Variants in WDR70 observed in about 807,000 individuals in gnomAD.
WDR70 encodes the protein WD repeat-containing protein 70.
In WDR70, 53 loss-of-function variants were observed where a neutral mutation model predicts 88.6. The ratio of observed to expected loss-of-function variants is 0.60; its 90% confidence interval spans 0.48 to 0.75. The LOEUF (loss-of-function observed/expected upper bound fraction) is 0.75, where lower values mean the gene tolerates loss of function less well. Ranked by LOEUF, WDR70 falls within the 30% of genes least tolerant of loss-of-function variation. The probability of loss-of-function intolerance (pLI) is 0.00; values close to 1 mark genes in which losing one functional copy is unlikely to be tolerated. For synonymous variants in WDR70, 280 were observed against 270.0 expected, an observed-to-expected ratio of 1.04 and a Z score of -0.36; for missense variants, 610 against 823.2, an observed-to-expected ratio of 0.74 and a Z score of 3.17.
intron 10 of WDR70, among the ~76,000 whole-genome samples, chr5:37,681,433 C>T (rs938865950): frequency 1.1e-4 from 16 of 152,100 alleles, no homozygotes; most frequent in Non-Finnish European, 1.9e-4. Context: ...TTTCTCTTGC[C>T]TGATTCCTCT....
At chr5:37,395,496 C>T (rs1286622898) in intron 4 of WDR70, among the ~76,000 whole-genome samples, 1 of 152,152 alleles carries the variant, frequency 6.6e-6, no homozygotes, top group Non-Finnish European at 1.5e-5. Flanking sequence ...CCCTTGGACA[C>T]CCCTGGTTAG....
At chr5:37,534,499 C>CTTTTTTTT (rs369030841) in intron 9 of WDR70, among the ~76,000 whole-genome samples, 3 of 133,192 alleles carry the variant, frequency 2.3e-5, no homozygotes, top group Non-Finnish European at 3.1e-5. Context: ...ACAAATCAGG[C>CTTTTTTTT]TTTTTTTTTT....
intron 9 of WDR70, among the ~76,000 whole-genome samples, chr5:37,548,945 T>C (rs565357640): frequency 6.6e-6 from 1 of 152,338 alleles, no homozygotes; most frequent in South Asian, 2.1e-4. Flanking sequence ...AAAAATTAGT[T>C]CACTACAGGT....
intron 15 of WDR70, chr5:37,724,185 A>G (rs1179881863): frequency 6.6e-6 from 1 of 152,140 alleles, no homozygotes; most frequent in Non-Finnish European, 1.5e-5. Flanking sequence ...ACTTCCCCTA[A>G]TAACTCTTTC....
intron 17 of WDR70, among the ~76,000 whole-genome samples, chr5:37,743,332 G>T (rs1037206135): frequency 2.0e-5 from 3 of 152,226 alleles, no homozygotes; most frequent in African/African-American, 4.8e-5. Context: ...GGCCAGTGGG[G>T]CCTAGCATCC....
At chr5:37,722,674 TC>T in intron 14 of WDR70, 180 bp from the exon 15 acceptor site, 1 of 595,922 alleles carries the variant, frequency 1.7e-6, no homozygotes. Context: ...GACTTGCTTT[TC>T]CATAAGTTTA....
intron 9 of WDR70, among the ~76,000 whole-genome samples, chr5:37,542,280 CTTT>C (rs765831095): frequency 7.6e-5 from 11 of 144,326 alleles, no homozygotes; most frequent in South Asian, 4.4e-4. Context: ...TCTTCTTCTT[CTTT>C]TTTTTTTTTT....
chr5:37,664,544 C>A (rs962844427), intron 10 of WDR70, among the ~76,000 whole-genome samples: 1 of 152,248 alleles, frequency 6.6e-6, no homozygotes, highest in African/African-American at 2.4e-5. Flanking sequence ...GACTTCTTTT[C>A]CCATCTTCTA....
chr5:37,478,964 A>G (rs1341826718), intron 7 of WDR70, among the ~76,000 whole-genome samples: 1 of 152,180 alleles, frequency 6.6e-6, no homozygotes. Flanking sequence ...AGTGCTAAAG[A>G]ACTAAAGGAG....
intron 9 of WDR70, among the ~76,000 whole-genome samples, chr5:37,602,492 A>G (rs1367304844): frequency 1.3e-5 from 2 of 151,934 alleles, no homozygotes; most frequent in Non-Finnish European, 2.9e-5. Flanking sequence ...CTGTAATCCC[A>G]GCTACTCGGG....
intron 3 of WDR70, among the ~76,000 whole-genome samples, chr5:37,383,646 C>T (rs1004907770): frequency 3.4e-4 from 51 of 152,082 alleles, no homozygotes; most frequent in African/African-American, 1.2e-3. Context: ...GTGGTGCGAT[C>T]TTGGCTCACT....
chr5:37,577,823 A>C (rs1017022274), intron 9 of WDR70, among the ~76,000 whole-genome samples: 2 of 152,238 alleles, frequency 1.3e-5, no homozygotes, highest in Non-Finnish European at 2.9e-5. Flanking sequence ...CAGGAAAACC[A>C]CATGTCTGGC....
chr5:37,592,848 C>G (rs1371173041), intron 9 of WDR70, among the ~76,000 whole-genome samples: 1 of 152,200 alleles, frequency 6.6e-6, no homozygotes, highest in Admixed American at 6.5e-5. Flanking sequence ...AAAGAGACCA[C>G]ATAATCGTCT....
At chr5:37,597,325 T>A (rs934292688) in intron 9 of WDR70, among the ~76,000 whole-genome samples, 1 of 152,192 alleles carries the variant, frequency 6.6e-6, no homozygotes, top group African/African-American at 2.4e-5. Flanking sequence ...GTATGCACAT[T>A]CCAATTGCTC....
intron 1 of WDR70, 42 bp downstream of exon 1, chr5:37,379,434 G>A (rs527327883): frequency 1.9e-6 from 3 of 1,613,556 alleles, no homozygotes; most frequent in African/African-American, 2.7e-5. Context: ...GGGCCGTGTC[G>A]GGGGAGCTGG....
intron 11 of WDR70, 67 bp from the exon 12 acceptor site, chr5:37,700,991 A>G: frequency 1.0e-6 from 1 of 967,798 alleles, no homozygotes. Flanking sequence ...CAGACTCTAA[A>G]CTGGGAGCGA....
At chr5:37,542,247 A>T (rs1444931757) in intron 9 of WDR70, among the ~76,000 whole-genome samples, 1 of 151,640 alleles carries the variant, frequency 6.6e-6, no homozygotes, top group Non-Finnish European at 1.5e-5. Context: ...CAGACATTAA[A>T]TCTAGTCGCT....
In WDR70 at chr5:37,396,527, A is replaced by G; in HGVS notation, c.449A>G (p.Glu150Gly). ...TTACCTCCACCTCTTAATGAAGAAG[A>G]AGAAGAAGCAGAGGAAGAAGAAGAG... is the stretch of plus-strand genomic sequence containing the variant. ...GPLPPPLNEEEEEAEEEEEEE... is the reference protein window; with the variant it reads ...GPLPPPLNEEGEEAEEEEEEE... Residue 150 changes from glutamate to glycine, a missense_variant, in exon 5 of 18, where the codon GAA becomes GGA. By Grantham distance (98) the Glu-to-Gly change is moderately conservative (BLOSUM62 -2). This residue lies in a region of WDR70 where 203 missense variants were observed against 228.1 expected (regional missense o/e 0.89). Transcript: ENST00000265107. 1 of 1,613,344 alleles carries G rather than the reference A, an allele frequency of 6.2e-7. No homozygotes were observed.
intron 9 of WDR70, among the ~76,000 whole-genome samples, chr5:37,543,735 G>C (rs1741903470): frequency 6.6e-6 from 1 of 151,966 alleles, no homozygotes; most frequent in African/African-American, 2.4e-5. Flanking sequence ...GAAAAAAAGG[G>C]TCATAAAGAT....
Sources: gnomAD v4.1 joint callset for allele counts (sites outside exome capture counted in the v4.1 genomes callset) on GRCh38, gnomAD v4.1.1 for gene constraint, gnomAD v4.1.1 regional missense constraint, MANE v1.5 for transcripts, NCBI Gene and HGNC (gene_info 2026-07-23, HGNC 2026-07-21) for gene names.